Variants in CTNNA3 observed in about 807,000 individuals in gnomAD.
CTNNA3 encodes the protein catenin alpha 3, also known as catenin alpha-3.
Under a neutral mutation model 95.7 loss-of-function variants are expected in CTNNA3, and 76 were observed. The ratio of observed to expected loss-of-function variants is 0.79; its 90% CI spans 0.66 to 0.96. CTNNA3 has a LOEUF of 0.96. Among genes scored for constraint, CTNNA3 ranks in the 40% least tolerant of loss-of-function variants. The pLI, the probability that CTNNA3 is intolerant of heterozygous loss-of-function variation, is 0.00. For synonymous variants in CTNNA3, 431 were observed against 374.4 expected (o/e 1.15, Z -1.74); for missense variants, 1,191 against 1,089.8 (o/e 1.09, Z -1.31).
Position 66,457,813 on chromosome 10 carries a change from T to C in CTNNA3, c.1531+62804A>G, listed in dbSNP as rs2093504751. Among the ~76,000 whole-genome samples the C allele has an allele frequency of 2.0e-5, 3 of 152,104 alleles. 1 individual carries two copies. The highest frequency in any genetic ancestry group is 2.0e-4 in the Admixed American group (3 of 15,274). On this transcript the variant is annotated intron_variant, in intron 11 of 17. Transcript: ENST00000433211. Reference sequence around the variant, plus strand: ...GAGCAACCTGCTGCTGCAGATCCAATTGCATCTTGCAGATAAGCAGCTTTA... The same window carrying C: ...GAGCAACCTGCTGCTGCAGATCCAACTGCATCTTGCAGATAAGCAGCTTTA...
At chr10:67,641,676 C>T (rs1483449127) in intron 2 of CTNNA3, among the ~76,000 whole-genome samples, 3 of 152,116 alleles carry the variant, frequency 2.0e-5, no homozygotes, top group Non-Finnish European at 1.5e-5. Context: ...AGTATGCAGC[C>T]ATAAAAAATG....
rs577032131 is a variant in CTNNA3, at chr10:67,054,962, T to C, written c.1047+125355A>G. The C allele has an allele frequency of 4.6e-5, 7 of 152,238 alleles. 1 individual carries two copies. The highest frequency in any genetic ancestry group is 1.7e-4 in the African/African-American group (7 of 41,554). The allele number at this position is 152,238 out of a possible 1,614,324, so 9.4% of individuals were successfully genotyped here. On this transcript the variant is annotated intron_variant, in intron 7 of 17. Transcript: ENST00000433211. ...AACATATATGCCAACCCCCTTAGTT[T>C]ATACAATAACTTTCCTCCAAAAATC...
At chr10:66,456,765 A>G (rs1430146176) in intron 11 of CTNNA3, among the ~76,000 whole-genome samples, 1 of 152,172 alleles carries the variant, frequency 6.6e-6, no homozygotes, top group Non-Finnish European at 1.5e-5. Flanking sequence ...AAAAAACATT[A>G]TGATGTAAAT....
chr10:66,608,301 CACAA>C (rs1844201421), intron 10 of CTNNA3, among the ~76,000 whole-genome samples: 1 of 151,966 alleles, frequency 6.6e-6, no homozygotes, highest in South Asian at 2.1e-4. Context: ...TCAGAGATGA[CACAA>C]ACAAATGGCG....
chr10:66,476,104 A>C (rs1419118527), intron 11 of CTNNA3, among the ~76,000 whole-genome samples: 1 of 152,076 alleles, frequency 6.6e-6, no homozygotes, highest in Non-Finnish European at 1.5e-5. Flanking sequence ...TAGTAAACCA[A>C]GGCAGGAACA....
At chr10:67,431,456 CTA>C (rs1482117563) in intron 5 of CTNNA3, among the ~76,000 whole-genome samples, 8 of 151,868 alleles carry the variant, frequency 5.3e-5, no homozygotes, top group Non-Finnish European at 1.2e-4. Context: ...AGATAGATAC[CTA>C]TGTTATCCTA....
At chr10:67,714,243 C>T (rs1056992649) in intron 1 of CTNNA3, among the ~76,000 whole-genome samples, 5 of 152,222 alleles carry the variant, frequency 3.3e-5, no homozygotes, top group Admixed American at 3.3e-4. Flanking sequence ...GCCACAGACA[C>T]TCAATGCCAG....
chr10:67,337,516 GT>G (rs1214676977), intron 5 of CTNNA3, among the ~76,000 whole-genome samples: 1 of 152,200 alleles, frequency 6.6e-6, no homozygotes, highest in Admixed American at 6.5e-5. Context: ...CATAAACTTA[GT>G]TGATAAAGCA....
intron 7 of CTNNA3, among the ~76,000 whole-genome samples, chr10:67,045,474 GCTGA>G (rs1384078689): frequency 6.6e-6 from 1 of 152,108 alleles, no homozygotes; most frequent in East Asian, 1.9e-4. Context: ...TGTTGCGAGG[GCTGA>G]CTTTCAATAG....
At chr10:66,976,749 A>C (rs189949439) in intron 7 of CTNNA3, among the ~76,000 whole-genome samples, 1 of 152,152 alleles carries the variant, frequency 6.6e-6, no homozygotes, top group Non-Finnish European at 1.5e-5. Flanking sequence ...TTTTCTCATT[A>C]TTCATTTCAT....
rs116072488 is a variant in CTNNA3 at position 66,243,202 on chromosome 10, A to G, written c.1884+37268T>C. 4.0e-3 allele frequency among the ~76,000 whole-genome samples: 614 copies of G among 152,330 alleles called. 6 individuals are homozygous for G. The highest frequency in any genetic ancestry group is 0.013 in the African/African-American group (559 of 41,570). ...CAAAATGACATATACCAGGCCCTGT[A>G]AGAAATTGAAGTATTTTACCCTGAA... On this transcript the variant is annotated intron_variant, in intron 13 of 17. Coordinates refer to ENST00000433211, the MANE Select transcript of CTNNA3 (RefSeq NM_013266.4).
In CTNNA3 at chr10:66,038,404, G is replaced by A. The variant is rs144432929; in HGVS notation, c.2159+30904C>T. ...TTTATGTTTGGAAGACAGTAGCTTC[G>A]TGGCTGCATTGCTGATACCTACAGT... On this transcript the variant is annotated intron_variant, in intron 15 of 17. Transcript: ENST00000433211. Among the ~76,000 whole-genome samples, 20 of 152,182 alleles carry A rather than the reference G, an allele frequency of 1.3e-4. No individual in the cohort carries two copies. The East Asian group carries it at 3.5e-3, about 27-fold the overall frequency.
In CTNNA3 at chr10:66,500,721, G is replaced by A. The variant is rs116121633; in HGVS notation, c.1531+19896C>T. The stretch of plus-strand genomic sequence containing the variant: ...AATTATTTAGATACACAAAAAGGAC[G>A]TATTTTTCTTTCCTCCCATGACCAT... On this transcript the variant is annotated intron_variant, in intron 11 of 17. Transcript: ENST00000433211. Among the ~76,000 whole-genome samples the A allele has an allele frequency of 8.7e-3, 1,327 of 152,154 alleles. 26 individuals carry two copies. Among genetic ancestry groups the A allele is most frequent in the African/African-American group, 0.03 (1,231 of 41,502 alleles).
chr10:66,121,477 C>T (rs2082570442), intron 13 of CTNNA3, among the ~76,000 whole-genome samples: 1 of 152,122 alleles, frequency 6.6e-6, no homozygotes, highest in Non-Finnish European at 1.5e-5. Context: ...TACACACACA[C>T]ACACACTATC....
chr10:67,737,453 A>T (rs1344490072), intron 1 of CTNNA3, among the ~76,000 whole-genome samples: 13 of 152,110 alleles, frequency 8.5e-5, no homozygotes, highest in Non-Finnish European at 1.9e-4. Flanking sequence ...GAAAAGCAGG[A>T]ACAAACCAAA....
At chr10:66,304,795 T>C (rs1185888599) in intron 12 of CTNNA3, among the ~76,000 whole-genome samples, 2 of 152,102 alleles carry the variant, frequency 1.3e-5, no homozygotes, top group East Asian at 3.9e-4. Flanking sequence ...GCAATACAAA[T>C]TTCAGAACAG....
At chr10:67,391,016 T>G (rs1033397689) in intron 5 of CTNNA3, among the ~76,000 whole-genome samples, 1 of 152,060 alleles carries the variant, frequency 6.6e-6, no homozygotes, top group Non-Finnish European at 1.5e-5. Context: ...TGCCCTCTCT[T>G]ACCACTCCTA....
At chr10:67,160,803 G>T (rs1267484099) in intron 7 of CTNNA3, among the ~76,000 whole-genome samples, 3 of 152,084 alleles carry the variant, frequency 2.0e-5, no homozygotes, top group African/African-American at 7.2e-5. Flanking sequence ...CAGGTGAATG[G>T]ATAAAAAATA....
chr10:67,607,314 A>C (rs1357791879), intron 2 of CTNNA3, among the ~76,000 whole-genome samples: 1 of 152,214 alleles, frequency 6.6e-6, no homozygotes, highest in Admixed American at 6.5e-5. Flanking sequence ...GTACTATATA[A>C]CTATATTCCT....
Sources: allele counts gnomAD v4.1 joint callset (sites outside exome capture counted in the v4.1 genomes callset), GRCh38; gene constraint gnomAD v4.1.1; transcripts MANE v1.5; gene names NCBI Gene and HGNC (gene_info 2026-07-23, HGNC 2026-07-21).